Variants in SHC4 observed in about 807,000 individuals in gnomAD.
SHC4 encodes SHC adaptor protein 4.
Under a neutral mutation model 69.4 loss-of-function variants are expected in SHC4, and 41 were observed. The observed-to-expected ratio is 0.59, with a 90% confidence interval of 0.46 to 0.77. The LOEUF is 0.77. SHC4 is among the 30% of genes least tolerant of loss of function. The pLI, the probability that SHC4 is intolerant of heterozygous loss-of-function variation, is 0.00. For synonymous variants in SHC4, 318 were observed against 299.3 expected (o/e 1.06, Z -0.64); for missense variants, 777 against 783.8 (o/e 0.99, Z 0.10).
intron 2 of SHC4, 67 bp from the exon 3 acceptor site, chr15:48,890,878 A>C: frequency 6.4e-7 from 1 of 1,558,428 alleles, no homozygotes; most frequent in Non-Finnish European, 8.8e-7. Flanking sequence ...TGTTTAAGAA[A>C]TGTTAGAAAT....
chr15:48,950,063 A>G (rs1016259380), intron 1 of SHC4, among the ~76,000 whole-genome samples: 30 of 139,728 alleles, frequency 2.1e-4, no homozygotes, highest in Admixed American at 4.5e-4. Context: ...ATATTTATTA[A>G]CATACAATAA....
chr15:48,949,511 C>T (rs1901331908), intron 1 of SHC4, among the ~76,000 whole-genome samples: 2 of 151,974 alleles, frequency 1.3e-5, no homozygotes. Flanking sequence ...TTGACTATTG[C>T]TGTAATCTCC....
At chr15:48,876,663 C>T (rs1595741591) in intron 4 of SHC4, 5 of 649,350 alleles carry the variant, frequency 7.7e-6, no homozygotes, top group South Asian at 1.7e-5. Context: ...AAGCATCCAA[C>T]ACAGGAGAAA....
intron 1 of SHC4, among the ~76,000 whole-genome samples, chr15:48,925,711 G>A (rs1203200379): frequency 6.6e-6 from 1 of 152,182 alleles, no homozygotes; most frequent in African/African-American, 2.4e-5. Flanking sequence ...GAGGATCCAT[G>A]GCAGGCGTGA....
intron 5 of SHC4, among the ~76,000 whole-genome samples, chr15:48,869,920 TTAA>T (rs202019942): frequency 0.015 from 2,353 of 152,210 alleles, 27 homozygotes; most frequent in Middle Eastern, 0.037. Flanking sequence ...CACAAATTAT[TTAA>T]TGTTTGTTTT....
chr15:48,847,068 C>G (rs1427729359), intron 9 of SHC4, among the ~76,000 whole-genome samples: 1 of 149,980 alleles, frequency 6.7e-6, no homozygotes, highest in Non-Finnish European at 1.5e-5. Flanking sequence ...GGTAATGTTG[C>G]CTTAAATTAA....
At chr15:48,893,000 T>G (rs979118131) in intron 2 of SHC4, among the ~76,000 whole-genome samples, 1 of 152,212 alleles carries the variant, frequency 6.6e-6, no homozygotes, top group Non-Finnish European at 1.5e-5. Flanking sequence ...TAGTAACTTT[T>G]TACTAGAAGT....
In SHC4 at chr15:48,929,511, G is replaced by T. The variant is rs1237040956; in HGVS notation, c.586-4562C>A. On this transcript the variant is annotated intron_variant, in intron 1 of 11. Transcript: ENST00000332408. Reference sequence around the variant, plus strand: ...CTGGCTCAGTTTCATTTATTCACTGGTACTGAATCAGGGTTTATTCTAGAG... The same window carrying T: ...CTGGCTCAGTTTCATTTATTCACTGTTACTGAATCAGGGTTTATTCTAGAG... Among the ~76,000 whole-genome samples, 6 of 152,192 alleles carry T rather than the reference G, an allele frequency of 3.9e-5. No individual in the cohort carries two copies. The East Asian group carries it at 1.2e-3, about 29-fold the overall frequency.
chr15:48,850,651 G>C (rs1391957775), intron 9 of SHC4, among the ~76,000 whole-genome samples: 1 of 152,172 alleles, frequency 6.6e-6, no homozygotes, highest in Non-Finnish European at 1.5e-5. Flanking sequence ...TGATAGTCAA[G>C]GTTGTGGAAA....
rs1046584059 is a variant in SHC4 at position 48,963,091 on chromosome 15, A to G, written c.-76T>C. The G allele has an allele frequency of 4.7e-5, 68 of 1,440,120 alleles. No homozygotes were observed. The East Asian group carries it at 4.8e-4, about 10-fold the overall frequency. The allele number at this position is 1,440,120 out of a possible 1,614,324, so 89.2% of individuals were successfully genotyped here. On this transcript the variant is annotated 5_prime_UTR_variant, in exon 1 of 12. Coordinates refer to ENST00000332408, the MANE Select transcript of SHC4 (RefSeq NM_203349.4). ...CTGGTAGATAAACGGTGCAGACATC[A>G]GATACCTCAACGCCCGATGCAACTC...
intron 10 of SHC4, among the ~76,000 whole-genome samples, chr15:48,837,271 A>C (rs1235767623): frequency 1.3e-5 from 2 of 152,212 alleles, no homozygotes; most frequent in African/African-American, 4.8e-5. Flanking sequence ...AATTAGCAGA[A>C]GGACAAGATA....
At chr15:48,939,072 C>A (rs1428087063) in intron 1 of SHC4, among the ~76,000 whole-genome samples, 1 of 152,204 alleles carries the variant, frequency 6.6e-6, no homozygotes, top group Non-Finnish European at 1.5e-5. Flanking sequence ...CTGGCACATA[C>A]AAAGGTCTCA....
rs534982574 is a variant in SHC4 at position 48,827,752 on chromosome 15, C to T, written c.1738-1626G>A. 3.6e-4 allele frequency among the ~76,000 whole-genome samples: 55 copies of T among 152,222 alleles called. 1 individual carries two copies. The South Asian group carries it at 0.011, about 29-fold the overall frequency. ...GGGCTAGGATAGGGAGGGGAGGTTA[C>T]GCACAGAGAGTTTCAACTATTTTGA... On this transcript the variant is annotated intron_variant, in intron 11 of 11. Coordinates refer to ENST00000332408, the MANE Select transcript of SHC4 (RefSeq NM_203349.4).
chr15:48,932,705 C>T (rs1373253166), intron 1 of SHC4, among the ~76,000 whole-genome samples: 1 of 152,184 alleles, frequency 6.6e-6, no homozygotes, highest in African/African-American at 2.4e-5. Context: ...CCCATCCCTA[C>T]CTGCAGCCTT....
chr15:48,837,399 T>C (rs1898918552), intron 10 of SHC4, among the ~76,000 whole-genome samples: 1 of 152,150 alleles, frequency 6.6e-6, no homozygotes, highest in Non-Finnish European at 1.5e-5. Flanking sequence ...CTTTTTAAAA[T>C]CTAGGAAAGA....
chr15:48,856,975 G>A (rs1270090929), intron 7 of SHC4, among the ~76,000 whole-genome samples: 2 of 152,036 alleles, frequency 1.3e-5, no homozygotes, highest in African/African-American at 2.4e-5. Context: ...CTCATAAAAG[G>A]AGATCTCCAA....
At chr15:48,842,933 A>G (rs1223319783) in intron 10 of SHC4, among the ~76,000 whole-genome samples, 1 of 151,472 alleles carries the variant, frequency 6.6e-6, no homozygotes, top group African/African-American at 2.4e-5. Context: ...CCTGCTTCAG[A>G]AAAAAAAAGA....
intron 1 of SHC4, among the ~76,000 whole-genome samples, chr15:48,958,075 C>A (rs539504631): frequency 2.0e-5 from 3 of 152,312 alleles, no homozygotes; most frequent in African/African-American, 7.2e-5. Context: ...GTGAGAGAAT[C>A]GATTTCTATA....
At chr15:48,917,243 TTGTGTGTGTGTGTGTGTGTGTG>T (rs3985853) in intron 2 of SHC4, among the ~76,000 whole-genome samples, 61 of 137,202 alleles carry the variant, frequency 4.4e-4, no homozygotes, top group African/African-American at 1.6e-3. Flanking sequence ...ACCTGATTTC[TTGTGTGTGTGTGTGTGTGTGTG>T]TGTGTGTGTG....
Sources: gnomAD v4.1 joint callset for allele counts (sites outside exome capture counted in the v4.1 genomes callset) on GRCh38, gnomAD v4.1.1 for gene constraint, MANE v1.5 for transcripts, NCBI Gene and HGNC (gene_info 2026-07-23, HGNC 2026-07-21) for gene names.